Variants in ELF2 observed in about 807,000 individuals in gnomAD.
The protein encoded by ELF2 is ETS-related transcription factor Elf-2.
In ELF2, 11 loss-of-function variants were observed where a neutral mutation model predicts 54.8. The ratio of observed to expected loss-of-function variants is 0.20; its 90% CI spans 0.13 to 0.33. ELF2 has a LOEUF of 0.33. Among genes scored for constraint, ELF2 ranks in the 10% least tolerant of loss-of-function variants. ELF2 has a pLI of 1.00. For synonymous variants in ELF2, 203 were observed against 245.1 expected (o/e 0.83, Z 1.61); for missense variants, 513 against 703.0 (o/e 0.73, Z 3.06).
intron 4 of ELF2, among the ~76,000 whole-genome samples, chr4:139,095,976 T>C (rs1733227118): frequency 6.6e-6 from 1 of 152,084 alleles, no homozygotes; most frequent in Non-Finnish European, 1.5e-5. Flanking sequence ...CCAGGTGTGG[T>C]GGCATATGCC....
intron 4 of ELF2, among the ~76,000 whole-genome samples, chr4:139,103,302 T>C (rs1440019220): frequency 1.3e-5 from 2 of 152,194 alleles, no homozygotes; most frequent in African/African-American, 2.4e-5. Context: ...GATTGAGTAA[T>C]GGCTGGCAGC....
intron 4 of ELF2, among the ~76,000 whole-genome samples, chr4:139,083,294 GTTC>G (rs1731429390): frequency 6.6e-6 from 1 of 152,098 alleles, no homozygotes; most frequent in Non-Finnish European, 1.5e-5. Flanking sequence ...AAAAATAAAT[GTTC>G]TTCTCTGACG....
At chr4:139,164,936 G>T (rs1372353275) in intron 1 of ELF2, among the ~76,000 whole-genome samples, 1 of 152,054 alleles carries the variant, frequency 6.6e-6, no homozygotes, top group African/African-American at 2.4e-5. Context: ...TCTATAATAT[G>T]GTGTACGCTC....
At chr4:139,148,565 T>C (rs112189238) in intron 1 of ELF2, among the ~76,000 whole-genome samples, 1,648 of 152,120 alleles carry the variant, frequency 0.011, 29 homozygotes, top group African/African-American at 0.038. Flanking sequence ...TGTTAGTATT[T>C]AATTTCTTTT....
At chr4:139,124,763 CAAT>C (rs1386764753) in intron 4 of ELF2, among the ~76,000 whole-genome samples, 2 of 152,012 alleles carry the variant, frequency 1.3e-5, no homozygotes, top group Non-Finnish European at 2.9e-5. Flanking sequence ...ATTGCTCCAT[CAAT>C]ATTAACTCAA....
intron 3 of ELF2, among the ~76,000 whole-genome samples, chr4:139,132,472 C>G (rs1413703758): frequency 6.6e-6 from 1 of 152,112 alleles, no homozygotes. Flanking sequence ...TACACGCAGA[C>G]CTAGGCAACC....
At chr4:139,148,152 T>C (rs1394010583) in intron 1 of ELF2, among the ~76,000 whole-genome samples, 8 of 151,030 alleles carry the variant, frequency 5.3e-5, no homozygotes, top group Non-Finnish European at 7.4e-5. Context: ...CTGTCTGTTC[T>C]GGCCATTTCA....
chr4:139,058,407 G>GTGTATATATATATA lies in ELF2; in HGVS notation c.*575_*576insTATATATATATACA, dbSNP rs1002583205. On this transcript the variant is annotated 3_prime_UTR_variant, in exon 10 of 10. Transcript: ENST00000686138. ...AGCTATATGATATATATATATGTATGTATATATATATATATATATATATAA... is the reference window on the plus strand; with the variant it reads ...AGCTATATGATATATATATATGTATGTGTATATATATATATATATATATATATATATATATATAA... 1.0e-3 allele frequency: 142 copies of GTGTATATATATATA among 142,128 alleles called. 1 individual carries two copies. The highest frequency in any genetic ancestry group is 3.4e-3 in the African/African-American group (134 of 38,848). The allele number at this position is 142,128 out of a possible 1,614,324, so 8.8% of individuals were successfully genotyped here.
chr4:139,060,435 GAGC>G lies in ELF2; in HGVS notation c.1043_1045del (p.Cys348del). ...TCTAGCTACACCCTTCTCTGCTCTGGAGCAGTTTATAGGGGATGAATTTTTTCC... is the reference window on the plus strand; with the variant it reads ...TCTAGCTACACCCTTCTCTGCTCTGGAGTTTATAGGGGATGAATTTTTTCC... On this transcript the variant is annotated inframe_deletion, in exon 9 of 10. Coordinates refer to ENST00000686138, the MANE Select transcript of ELF2 (RefSeq NM_001331036.3). 6.2e-7 allele frequency: 1 copy of G among 1,614,178 alleles called. No homozygotes were observed. Among genetic ancestry groups the G allele is most frequent in the Non-Finnish European group, 8.5e-7 (1 of 1,180,040 alleles).
chr4:139,063,912 T>C (rs951455098), intron 7 of ELF2, among the ~76,000 whole-genome samples: 1 of 152,156 alleles, frequency 6.6e-6, no homozygotes, highest in African/African-American at 2.4e-5. Flanking sequence ...TTCTCCCTTA[T>C]TATGGAGGAG....
At chr4:139,170,358 G>A (rs560698201) in intron 1 of ELF2, among the ~76,000 whole-genome samples, 2 of 146,332 alleles carry the variant, frequency 1.4e-5, no homozygotes, top group South Asian at 2.2e-4. Context: ...TCTGCCTCCC[G>A]GGTTCAAGCG....
intron 7 of ELF2, chr4:139,066,872 T>A (rs1316863816): frequency 1.3e-5 from 2 of 152,106 alleles, no homozygotes; most frequent in East Asian, 3.9e-4. Flanking sequence ...AATAAGTCAA[T>A]AAATAAGCAA....
Position 139,058,679 on chromosome 4 carries a change from T to C in ELF2, c.*304A>G, listed in dbSNP as rs1222032352. On this transcript the variant is annotated 3_prime_UTR_variant, in exon 10 of 10. Coordinates refer to ENST00000686138, the MANE Select transcript of ELF2 (RefSeq NM_001331036.3). ...TATATAACCTCTTACAGAATGTTAG[T>C]GTTCCAAGTCTTAGTGTAACTTGAT... 1 of 275,368 alleles carries C rather than the reference T, an allele frequency of 3.6e-6. No homozygotes were observed. Among genetic ancestry groups the C allele is most frequent in the African/African-American group, 2.2e-5 (1 of 44,640 alleles). The allele number at this position is 275,368 out of a possible 1,614,324, so 17.1% of individuals were successfully genotyped here.
rs147148082 is a variant in ELF2 at position 139,083,072 on chromosome 4, G to A, written c.239-9505C>T. Among the ~76,000 whole-genome samples the A allele has an allele frequency of 1.1e-3, 172 of 152,162 alleles. 3 individuals are homozygous for A. In the East Asian group the frequency reaches 0.03, roughly 27 times the overall value. ...GCGCGGGCCCGTAGTCCCGCCCCCAGAAATCAACGTTCTAATTTGGAACAC... is the reference window on the plus strand; with the variant it reads ...GCGCGGGCCCGTAGTCCCGCCCCCAAAAATCAACGTTCTAATTTGGAACAC... On this transcript the variant is annotated intron_variant, in intron 4 of 9. Coordinates refer to ENST00000686138, the MANE Select transcript of ELF2 (RefSeq NM_001331036.3).
chr4:139,129,736 T>C (rs1043672385), intron 3 of ELF2, among the ~76,000 whole-genome samples: 6 of 152,218 alleles, frequency 3.9e-5, no homozygotes, highest in East Asian at 1.9e-4. Flanking sequence ...ATTTTAACAA[T>C]AGAAATAGTC....
At chr4:139,121,172 G>C (rs1054563320) in intron 4 of ELF2, among the ~76,000 whole-genome samples, 2 of 133,612 alleles carry the variant, frequency 1.5e-5, no homozygotes, top group Admixed American at 8.1e-5. Context: ...GCAGTGGCGC[G>C]ATCTCGGCTC....
At chr4:139,070,018 T>A (rs975434453) in intron 6 of ELF2, among the ~76,000 whole-genome samples, 2 of 151,258 alleles carry the variant, frequency 1.3e-5, no homozygotes, top group Non-Finnish European at 1.5e-5. Flanking sequence ...TTTTTTTTTT[T>A]ATTCCTCGAG....
At chr4:139,176,344 G>A (rs1157999240) in intron 1 of ELF2, among the ~76,000 whole-genome samples, 3 of 152,194 alleles carry the variant, frequency 2.0e-5, no homozygotes, top group African/African-American at 7.2e-5. Flanking sequence ...CGCCGGGAAG[G>A]AAAGGTAAGC....
intron 4 of ELF2, among the ~76,000 whole-genome samples, chr4:139,078,590 T>TA (rs1315261633): frequency 6.8e-6 from 1 of 146,946 alleles, no homozygotes; most frequent in African/African-American, 2.5e-5. Flanking sequence ...TTTTTTTTTT[T>TA]ACACTCTCGG....
Sources: allele counts gnomAD v4.1 joint callset (sites outside exome capture counted in the v4.1 genomes callset), GRCh38; gene constraint gnomAD v4.1.1; transcripts MANE v1.5; gene names NCBI Gene and HGNC (gene_info 2026-07-23, HGNC 2026-07-21).